Variants in COG5 observed in about 807,000 individuals in gnomAD.
COG5 encodes the protein component of oligomeric golgi complex 5, also known as conserved oligomeric Golgi complex subunit 5.
A neutral mutation model predicts 110.4 loss-of-function variants in COG5; 86 were observed. The ratio of observed to expected loss-of-function variants is 0.78; its 90% CI spans 0.65 to 0.93. The LOEUF (loss-of-function observed/expected upper bound fraction) is 0.93. COG5 is among the 40% of genes least tolerant of loss of function. COG5 has a pLI of 0.00. For synonymous variants in COG5, 360 were observed against 334.6 expected, an observed-to-expected ratio of 1.08 and a Z score of -0.83; for missense variants, 1,077 against 987.0, an observed-to-expected ratio of 1.09 and a Z score of -1.22.
intron 12 of COG5, among the ~76,000 whole-genome samples, chr7:107,295,093 ATATATATATTTTT>A (rs1562955797): frequency 1.0e-4 from 8 of 77,174 alleles, no homozygotes; most frequent in Non-Finnish European, 2.0e-4. Flanking sequence ...ATATATATAT[ATATATATATTTTT>A]TTTTTTTTTT....
At position 107,541,828 on chromosome 7, in the gene COG5, G is replaced by A. The variant is rs531170566; in HGVS notation, c.417+6283C>T. 4.6e-5 allele frequency among the ~76,000 whole-genome samples: 7 copies of A among 151,434 alleles called. No homozygotes were observed. The East Asian group carries it at 1.4e-3, about 30-fold the overall frequency. ...CACCTGTACTCCCAGCTACTCAGGAGGCTGAGGCAGAAGAATTGCTTGAAG... is the reference window on the plus strand; with the variant it reads ...CACCTGTACTCCCAGCTACTCAGGAAGCTGAGGCAGAAGAATTGCTTGAAG... On this transcript the variant is annotated intron_variant, in intron 5 of 21. Coordinates refer to ENST00000297135, the MANE Select transcript of COG5 (RefSeq NM_006348.5).
At chr7:107,531,933 C>T (rs1801241268) in intron 5 of COG5, among the ~76,000 whole-genome samples, 1 of 152,078 alleles carries the variant, frequency 6.6e-6, no homozygotes, top group African/African-American at 2.4e-5. Flanking sequence ...ACCGAGCAGT[C>T]GTTGATAGCC....
At chr7:107,208,066 C>T in intron 21 of COG5, 1 of 985,386 alleles carries the variant, frequency 1.0e-6, no homozygotes, top group Non-Finnish European at 1.2e-6. Context: ...CTTCAGTATG[C>T]AAGAACAAAA....
chr7:107,322,255 T>C (rs1809365005), intron 11 of COG5, among the ~76,000 whole-genome samples: 2 of 152,186 alleles, frequency 1.3e-5, no homozygotes, highest in Non-Finnish European at 2.9e-5. Context: ...ATGAGATTAG[T>C]GCACTTACAA....
chr7:107,332,036 A>G (rs1370288764), intron 10 of COG5, among the ~76,000 whole-genome samples: 4 of 152,002 alleles, frequency 2.6e-5, no homozygotes, highest in Non-Finnish European at 4.4e-5. Flanking sequence ...TTTAGTAGAG[A>G]TGCGGTTTCG....
intron 8 of COG5, among the ~76,000 whole-genome samples, chr7:107,368,514 G>A (rs1813832025): frequency 6.6e-6 from 1 of 151,970 alleles, no homozygotes; most frequent in Non-Finnish European, 1.5e-5. Context: ...GTTTAGCCTA[G>A]GAAGTGTTCA....
At chr7:107,277,083 G>A (rs1236254145) in intron 14 of COG5, among the ~76,000 whole-genome samples, 1 of 152,032 alleles carries the variant, frequency 6.6e-6, no homozygotes, top group Non-Finnish European at 1.5e-5. Context: ...TATACATTAA[G>A]AGCACAGAAG....
In COG5 at chr7:107,434,808, A is replaced by G. The variant is rs527687759; in HGVS notation, c.539-22176T>C. Among the ~76,000 whole-genome samples, 209 of 152,140 alleles carry G rather than the reference A, an allele frequency of 1.4e-3. 1 individual carries two copies. Among genetic ancestry groups the G allele is most frequent in the Admixed American group, 2.0e-3 (31 of 15,294 alleles). Reference sequence around the variant, plus strand: ...ACACAGTGAAACCCTGTCTCTACTAAAAATACAAAAAATTAGTTGGATGTG... The same window carrying G: ...ACACAGTGAAACCCTGTCTCTACTAGAAATACAAAAAATTAGTTGGATGTG... On this transcript the variant is annotated intron_variant, in intron 6 of 21. Transcript: ENST00000297135.
chr7:107,454,008 A>G (rs527272647), intron 6 of COG5, among the ~76,000 whole-genome samples: 11 of 152,308 alleles, frequency 7.2e-5, no homozygotes, highest in African/African-American at 2.6e-4. Flanking sequence ...TTCATTAATG[A>G]TACTATTTTA....
intron 14 of COG5, among the ~76,000 whole-genome samples, chr7:107,278,906 G>A (rs1487922723): frequency 6.6e-6 from 1 of 152,134 alleles, no homozygotes; most frequent in Non-Finnish European, 1.5e-5. Context: ...AACACCAAAA[G>A]CAATGGCAAC....
At chr7:107,288,623 C>T (rs996485331) in intron 12 of COG5, among the ~76,000 whole-genome samples, 1 of 151,794 alleles carries the variant, frequency 6.6e-6, no homozygotes, top group African/African-American at 2.4e-5. Context: ...TGCTCAGATC[C>T]CTTGTCCACT....
intron 19 of COG5, among the ~76,000 whole-genome samples, chr7:107,221,536 A>C (rs1799925018): frequency 6.6e-6 from 1 of 152,000 alleles, no homozygotes; most frequent in African/African-American, 2.4e-5. Flanking sequence ...AGGCCGAGGC[A>C]GGCAGATCAT....
chr7:107,232,825 G>GC (rs1800875667), intron 18 of COG5, among the ~76,000 whole-genome samples: 1 of 152,108 alleles, frequency 6.6e-6, no homozygotes, highest in Non-Finnish European at 1.5e-5. Flanking sequence ...AGTGGCATGT[G>GC]CAACTGCTTC....
At chr7:107,264,061 C>T (rs1483471867) in intron 14 of COG5, among the ~76,000 whole-genome samples, 1 of 152,080 alleles carries the variant, frequency 6.6e-6, no homozygotes, top group East Asian at 1.9e-4. Context: ...TTATAGATTA[C>T]TTATAAATTA....
At chr7:107,296,508 T>C (rs1806758737) in intron 12 of COG5, among the ~76,000 whole-genome samples, 1 of 152,022 alleles carries the variant, frequency 6.6e-6, no homozygotes, top group African/African-American at 2.4e-5. Context: ...AAAAGAGTTA[T>C]TGAGAAGATA....
At chr7:107,495,442 G>A (rs1469168432) in intron 6 of COG5, among the ~76,000 whole-genome samples, 1 of 151,970 alleles carries the variant, frequency 6.6e-6, no homozygotes, top group Non-Finnish European at 1.5e-5. Context: ...CTACAGGCTA[G>A]AACAAAAACA....
intron 6 of COG5, among the ~76,000 whole-genome samples, chr7:107,436,361 CAAAT>C (rs1420114871): frequency 1.3e-5 from 2 of 152,122 alleles, no homozygotes; most frequent in African/African-American, 4.8e-5. Context: ...AACAAACAAA[CAAAT>C]ATATAATCCC....
chr7:107,488,620 G>T (rs918646740), intron 6 of COG5, among the ~76,000 whole-genome samples: 2 of 152,092 alleles, frequency 1.3e-5, no homozygotes, highest in African/African-American at 4.8e-5. Context: ...CAAGGAAGGT[G>T]GATCACTTGA....
In COG5 at chr7:107,295,066, CATATATAT is replaced by C. The variant is rs1186377118; in HGVS notation, c.1313+3068_1313+3075del. Among the ~76,000 whole-genome samples the C allele has an allele frequency of 3.8e-3, 176 of 45,826 alleles. 3 individuals carry two copies. The highest frequency in any genetic ancestry group is 0.014 in the African/African-American group (152 of 11,082). 30.1% of individuals were successfully genotyped at this position (45,826 alleles called of 152,430 possible). Reference sequence around the variant, plus strand: ...ACACACACACACACACACACACACACATATATATATATATATATATATATATATATATA... The same window carrying C: ...ACACACACACACACACACACACACACATATATATATATATATATATATATA... On this transcript the variant is annotated intron_variant, in intron 12 of 21. Coordinates refer to ENST00000297135, the MANE Select transcript of COG5 (RefSeq NM_006348.5).
Sources: allele counts gnomAD v4.1 joint callset (sites outside exome capture counted in the v4.1 genomes callset), GRCh38; gene constraint gnomAD v4.1.1; transcripts MANE v1.5; gene names NCBI Gene and HGNC (gene_info 2026-07-23, HGNC 2026-07-21).